LRIG2: variants seen among roughly 807,000 people sequenced by gnomAD.
LRIG2 encodes the protein leucine rich repeats and immunoglobulin like domains 2.
A neutral mutation model predicts 107.8 loss-of-function variants in LRIG2; 93 were observed. The ratio of observed to expected loss-of-function variants is 0.86; its 90% CI spans 0.73 to 1.03. The LOEUF (loss-of-function observed/expected upper bound fraction) is 1.03. Among genes scored for constraint, LRIG2 ranks in the 50% least tolerant of loss-of-function variants. The pLI, the probability that LRIG2 is intolerant of heterozygous loss-of-function variation, is 0.00. For missense variants in LRIG2, 1,226 were observed against 1,296.0 expected (o/e 0.95, Z 0.83); for synonymous variants, 471 against 470.6 (o/e 1.00, Z -0.01).
intron 1 of LRIG2, among the ~76,000 whole-genome samples, chr1:113,084,395 T>C (rs536562058): frequency 6.6e-6 from 1 of 152,082 alleles, no homozygotes; most frequent in East Asian, 1.9e-4. Context: ...TTTTATATTT[T>C]TAGTAGAGAC....
intron 1 of LRIG2, among the ~76,000 whole-genome samples, chr1:113,076,984 C>T (rs1287698897): frequency 6.6e-6 from 1 of 152,056 alleles, no homozygotes; most frequent in Non-Finnish European, 1.5e-5. Context: ...ACCCCTTTCC[C>T]CCAATGATGT....
rs1254626806 is a variant in LRIG2 at position 113,125,704 on chromosome 1, A to G, written c.*1603A>G. 2 of 152,244 alleles carry G rather than the reference A, an allele frequency of 1.3e-5. No homozygotes were observed. The highest frequency in any genetic ancestry group is 2.9e-5 in the Non-Finnish European group (2 of 68,062). The allele number at this position is 152,244 out of a possible 1,614,324, so 9.4% of individuals were successfully genotyped here. On this transcript the variant is annotated 3_prime_UTR_variant, in exon 18 of 18. Coordinates refer to ENST00000361127, the MANE Select transcript of LRIG2 (RefSeq NM_014813.3). Reference sequence around the variant, plus strand: ...TTCATTCTGTGACTTTGCTCTTGCCATGTTCTGACTGGGGTGAGCCGCTAG... The same window carrying G: ...TTCATTCTGTGACTTTGCTCTTGCCGTGTTCTGACTGGGGTGAGCCGCTAG...
intron 1 of LRIG2, among the ~76,000 whole-genome samples, chr1:113,076,433 A>G (rs958667841): frequency 7.9e-5 from 12 of 152,256 alleles, no homozygotes; most frequent in African/African-American, 2.9e-4. Flanking sequence ...GAGCCAAGTG[A>G]CATTCAGAAT....
At position 113,112,628 on chromosome 1, in the gene LRIG2, C is replaced by T. The variant is rs763821166; in HGVS notation, c.1948C>T (p.Arg650Cys). 14 of 1,614,056 alleles carry T rather than the reference C, an allele frequency of 8.7e-6. No homozygotes were observed. The highest frequency in any genetic ancestry group is 6.7e-5 in the African/African-American group (5 of 74,908). The stretch of plus-strand genomic sequence containing the variant: ...TGACTTTCCTGCGGCTCGAGAAAGA[C>T]GCATGCACGTCATGCCCGAGGATGA... ...GTDFPAARER[R>C]MHVMPEDDVF... Residue 650 changes from arginine (R) to cysteine (C), a missense_variant, in exon 14 of 18, where the codon CGC becomes TGC. Around this residue, in one of 3 missense-constraint regions of LRIG2, gnomAD observed 642 missense variants for 712.2 expected, o/e 0.90. Transcript: ENST00000361127.
rs552121236 is a variant in LRIG2, at chr1:113,130,401, C to G, written c.*6300C>G. On this transcript the variant is annotated 3_prime_UTR_variant, in exon 18 of 18. Transcript: ENST00000361127. ...CTATGAAAAGAGATGTGTTAAAAGTCTTTAACTACTTAAAGGGTCATCATG... is the reference window on the plus strand; with the variant it reads ...CTATGAAAAGAGATGTGTTAAAAGTGTTTAACTACTTAAAGGGTCATCATG... The G allele has an allele frequency of 6.6e-6, 1 of 152,292 alleles. No individual in the cohort carries two copies. The highest frequency in any genetic ancestry group is 1.9e-4 in the East Asian group (1 of 5,188). 9.4% of individuals were successfully genotyped at this position (152,292 alleles called of 1,614,324 possible).
chr1:113,091,278 T>A (rs765828877), intron 1 of LRIG2, 40 bp from the exon 2 acceptor site: 1 of 1,362,810 alleles, frequency 7.3e-7, no homozygotes, highest in Admixed American at 2.0e-5. Flanking sequence ...AGGTCTACTT[T>A]CCAGGACTAA....
At chr1:113,076,917 C>T (rs1007398711) in intron 1 of LRIG2, among the ~76,000 whole-genome samples, 5 of 152,124 alleles carry the variant, frequency 3.3e-5, no homozygotes, top group African/African-American at 1.2e-4. Context: ...ACATACACAG[C>T]ATTGAAAGAC....
rs759843208 is a variant in LRIG2 at position 113,124,139 on chromosome 1, A to G, written c.*38A>G. 2.5e-6 allele frequency: 4 copies of G among 1,582,586 alleles called. No homozygotes were observed. In the Admixed American group the frequency reaches 6.7e-5, roughly 27 times the overall value. On this transcript the variant is annotated 3_prime_UTR_variant, in exon 18 of 18. Coordinates refer to ENST00000361127, the MANE Select transcript of LRIG2 (RefSeq NM_014813.3). ...GATGAAATCTGGGCAGAGACTTATT[A>G]ATTAATTTTGCATTTACTACCTCAG...
intron 2 of LRIG2, among the ~76,000 whole-genome samples, chr1:113,091,889 C>G (rs1653844133): frequency 6.6e-6 from 1 of 152,124 alleles, no homozygotes; most frequent in Admixed American, 6.5e-5. Flanking sequence ...AGGGAGTTTT[C>G]TAAGATATTA....
chr1:113,095,499 C>T (rs1415906598), intron 6 of LRIG2, among the ~76,000 whole-genome samples: 1 of 151,540 alleles, frequency 6.6e-6, no homozygotes, highest in African/African-American at 2.4e-5. Flanking sequence ...ACCTCTGCCT[C>T]ATGGGTTCAA....
Position 113,116,216 on chromosome 1 carries a change from T to C in LRIG2, c.2531-71T>C, listed in dbSNP as rs996617780. 1.1e-5 allele frequency: 16 copies of C among 1,394,080 alleles called. No individual in the cohort carries two copies. In the African/African-American group the frequency reaches 1.6e-4, roughly 14 times the overall value. 86.4% of individuals were successfully genotyped at this position (1,394,080 alleles called of 1,614,324 possible). A position where few individuals can be genotyped will look rare whatever the true frequency, so the allele number is the denominator to read the frequency against. On this transcript the variant is annotated intron_variant, in intron 15 of 17. Transcript: ENST00000361127. ...GCTAATAGTATCAAAGTGGAACACA[T>C]TTGCAAAATAGTCTTCTGAGTGTTG...
At chr1:113,091,165 C>T (rs1052936815) in intron 1 of LRIG2, among the ~76,000 whole-genome samples, 153 bp from the exon 2 acceptor site, 10 of 152,060 alleles carry the variant, frequency 6.6e-5, no homozygotes, top group African/African-American at 2.4e-4. Flanking sequence ...CTCAGGTGAT[C>T]TGCCTGCCTC....
chr1:113,084,384 T>A (rs1653448440), intron 1 of LRIG2, among the ~76,000 whole-genome samples: 1 of 151,866 alleles, frequency 6.6e-6, no homozygotes, highest in South Asian at 2.1e-4. Context: ...CCCGGCTGAT[T>A]TTTTATATTT....
chr1:113,095,134 G>A (rs1002488912), intron 6 of LRIG2, among the ~76,000 whole-genome samples: 23 of 151,184 alleles, frequency 1.5e-4, no homozygotes, highest in African/African-American at 5.3e-4. Context: ...CACCAGGCCC[G>A]GCTGATTTTT....
intron 11 of LRIG2, among the ~76,000 whole-genome samples, chr1:113,105,435 T>C (rs1208894904): frequency 6.6e-6 from 1 of 152,248 alleles, no homozygotes; most frequent in Non-Finnish European, 1.5e-5. Flanking sequence ...ACTATAATTA[T>C]ATAACTTTAA....
At chr1:113,093,748 A>G (rs1403233685) in intron 4 of LRIG2, among the ~76,000 whole-genome samples, 184 bp downstream of exon 4, 3 of 152,168 alleles carry the variant, frequency 2.0e-5, no homozygotes, top group Admixed American at 6.6e-5. Flanking sequence ...CATTGTGCAC[A>G]TGTACCCTAA....
At chr1:113,081,403 AT>A (rs1180674336) in intron 1 of LRIG2, among the ~76,000 whole-genome samples, 203 of 141,148 alleles carry the variant, frequency 1.4e-3, no homozygotes, top group Non-Finnish European at 1.4e-3. Context: ...ACCCATTTCT[AT>A]TTTTTTTTTT....
intron 15 of LRIG2, 116 bp from the exon 16 acceptor site, chr1:113,116,171 A>G: frequency 1.4e-6 from 1 of 704,026 alleles, no homozygotes; most frequent in Non-Finnish European, 2.3e-6. Flanking sequence ...TTGCGGTCCT[A>G]GGTACGTACA....
In LRIG2 at chr1:113,116,388, C is replaced by G; in HGVS notation, c.2632C>G (p.Gln878Glu). ...GYSNSEAGSH[Q>E]QLMPPANGYI... ...CAGCAACTCTGAGGCAGGCAGTCAT[C>G]AGCAACTTATGCCTCCTGCCAATGG... The change falls in exon 16 of 18, where the codon CAG becomes GAG. Residue 878 changes from glutamine to glutamate, a missense_variant. Around this residue, in one of 3 missense-constraint regions of LRIG2, gnomAD observed 642 missense variants for 712.2 expected, o/e 0.90. Coordinates refer to ENST00000361127, the MANE Select transcript of LRIG2 (RefSeq NM_014813.3). 6.2e-7 allele frequency: 1 copy of G among 1,613,946 alleles called. No homozygotes were observed. The highest frequency in any genetic ancestry group is 8.5e-7 in the Non-Finnish European group (1 of 1,179,886).
Sources: gnomAD v4.1 joint callset for allele counts (sites outside exome capture counted in the v4.1 genomes callset) on GRCh38, gnomAD v4.1.1 for gene constraint, gnomAD v4.1.1 regional missense constraint, MANE v1.5 for transcripts, NCBI Gene and HGNC (gene_info 2026-07-23, HGNC 2026-07-21) for gene names.